The following PEX14 variants were observed in gnomAD, a reference collection of about 807,000 sequenced individuals.
PEX14 encodes peroxisomal membrane protein PEX14.
PEX14 carries 15 observed loss-of-function variants against 49.5 expected under a neutral mutation model. That is an observed-to-expected ratio of 0.30 (90% CI 0.20 to 0.47). The LOEUF is 0.47. Ranked by LOEUF, PEX14 falls within the 20% of genes least tolerant of loss-of-function variation. The pLI is 1.00. For missense variants in PEX14, 398 were observed against 494.8 expected, an observed-to-expected ratio of 0.80 and a Z score of 1.86; for synonymous variants, 210 against 212.7, an observed-to-expected ratio of 0.99 and a Z score of 0.11.
At chr1:10,526,599 G>A (rs1012631326) in intron 2 of PEX14, among the ~76,000 whole-genome samples, 1 of 152,142 alleles carries the variant, frequency 6.6e-6, no homozygotes, top group Non-Finnish European at 1.5e-5. Flanking sequence ...TACAGGTTGA[G>A]TATTCTTGAT....
At chr1:10,570,229 T>A (rs1557850556) in intron 3 of PEX14, among the ~76,000 whole-genome samples, 1 of 152,196 alleles carries the variant, frequency 6.6e-6, no homozygotes, top group Admixed American at 6.5e-5. Context: ...GTTCCCTTTT[T>A]TCCCCCACAT....
chr1:10,478,661 C>T (rs117005712), intron 1 of PEX14, among the ~76,000 whole-genome samples: 1 of 152,202 alleles, frequency 6.6e-6, no homozygotes, highest in East Asian at 1.9e-4. Context: ...TCACTGCATC[C>T]TTGCCCGCCC....
chr1:10,510,464 AGCTTATCTACTTT>A (rs1400465708), intron 2 of PEX14, among the ~76,000 whole-genome samples: 1 of 152,146 alleles, frequency 6.6e-6, no homozygotes, highest in Admixed American at 6.6e-5. Flanking sequence ...TTTGTGTTCC[AGCTTATCTACTTT>A]GCTCTGGCAT....
chr1:10,600,825 TTAA>T (rs1640961115), intron 4 of PEX14, among the ~76,000 whole-genome samples: 1 of 151,938 alleles, frequency 6.6e-6, no homozygotes, highest in African/African-American at 2.4e-5. Flanking sequence ...AAAAAATGAT[TTAA>T]AACTGTTAGA....
intron 4 of PEX14, among the ~76,000 whole-genome samples, chr1:10,605,075 C>G (rs753718882): frequency 1.3e-5 from 2 of 151,684 alleles, no homozygotes; most frequent in Non-Finnish European, 2.9e-5. Context: ...AACATTTATT[C>G]CAGTGTCTCC....
chr1:10,489,206 C>T (rs1281708805), intron 1 of PEX14, among the ~76,000 whole-genome samples: 3 of 152,044 alleles, frequency 2.0e-5, no homozygotes, highest in African/African-American at 2.4e-5. Flanking sequence ...GTCTCGAACT[C>T]GTGACCTCAG....
At chr1:10,583,829 C>T (rs1640402001) in intron 3 of PEX14, among the ~76,000 whole-genome samples, 1 of 152,008 alleles carries the variant, frequency 6.6e-6, no homozygotes, top group South Asian at 2.1e-4. Context: ...AAGGGAATGA[C>T]CGATGCAGAA....
intron 3 of PEX14, among the ~76,000 whole-genome samples, chr1:10,537,430 A>T (rs1638852491): frequency 6.7e-6 from 1 of 149,176 alleles, no homozygotes; most frequent in Non-Finnish European, 1.5e-5. Flanking sequence ...GCCATAAAAG[A>T]GTTTTTCCTT....
At chr1:10,500,798 C>A (rs916897100) in intron 2 of PEX14, among the ~76,000 whole-genome samples, 4 of 152,184 alleles carry the variant, frequency 2.6e-5, no homozygotes, top group Non-Finnish European at 5.9e-5. Context: ...TGGTCTCGAA[C>A]TCCTAGGCTC....
intron 1 of PEX14, among the ~76,000 whole-genome samples, chr1:10,492,666 GA>G (rs1308121147): frequency 6.6e-6 from 1 of 152,198 alleles, no homozygotes; most frequent in Non-Finnish European, 1.5e-5. Context: ...ATGAACGGAA[GA>G]ATCTAAATAA....
chr1:10,496,441 C>T (rs923928880), intron 2 of PEX14, among the ~76,000 whole-genome samples: 5 of 152,194 alleles, frequency 3.3e-5, no homozygotes, highest in South Asian at 4.1e-4. Flanking sequence ...TCTCTCCGGA[C>T]GTCTGCCTGC....
chr1:10,500,482 A>G (rs1041903649), intron 2 of PEX14, among the ~76,000 whole-genome samples: 2 of 150,528 alleles, frequency 1.3e-5, no homozygotes, highest in Non-Finnish European at 2.9e-5. Context: ...TCTCCTCAGC[A>G]TTTGTGTCTT....
intron 2 of PEX14, among the ~76,000 whole-genome samples, chr1:10,521,265 CTTCT>C (rs372214953): frequency 5.0e-4 from 76 of 151,376 alleles, no homozygotes; most frequent in African/African-American, 1.8e-3. Flanking sequence ...TCCTTTTTCT[CTTCT>C]TTCTATCTCC....
rs17035005 is a variant in PEX14, at chr1:10,495,184, G to A, written c.37-90G>A. The A allele has an allele frequency of 2.1e-4, 336 of 1,574,822 alleles. 4 individuals are homozygous for A. In the African/African-American group the frequency reaches 3.1e-3, roughly 14 times the overall value. On this transcript the variant is annotated intron_variant, in intron 1 of 8. Coordinates refer to ENST00000356607, the MANE Select transcript of PEX14 (RefSeq NM_004565.3). This position sits in a 1 kb window ranked among gnomAD's most constrained non-coding sequence, Gnocchi z 4.2. ...AGAGATGTGAGAAAGAGGTGCCAGC[G>A]TGCATCGTTTGAGAACGGAACATCT...
In PEX14 at chr1:10,476,781, G is replaced by A. The variant is rs111303544; in HGVS notation, c.36+1779G>A. Among the ~76,000 whole-genome samples, 375 of 152,136 alleles carry A rather than the reference G, an allele frequency of 2.5e-3. 2 individuals carry two copies. The highest frequency in any genetic ancestry group is 8.2e-3 in the African/African-American group (341 of 41,498). On this transcript the variant is annotated intron_variant, in intron 1 of 8. Coordinates refer to ENST00000356607, the MANE Select transcript of PEX14 (RefSeq NM_004565.3). Reference sequence around the variant, plus strand: ...GCTGAGATTATATGCGTGAGCCACCGTGCCCGGCTCTGTTCCTGATTCTTA... The same window carrying A: ...GCTGAGATTATATGCGTGAGCCACCATGCCCGGCTCTGTTCCTGATTCTTA...
intron 3 of PEX14, among the ~76,000 whole-genome samples, chr1:10,546,903 G>A (rs1257639414): frequency 6.6e-6 from 1 of 152,012 alleles, no homozygotes; most frequent in African/African-American, 2.4e-5. Flanking sequence ...TACAACAACA[G>A]CAAAAAAACC....
intron 1 of PEX14, among the ~76,000 whole-genome samples, chr1:10,479,554 C>T (rs893155265): frequency 4.6e-5 from 7 of 152,306 alleles, no homozygotes; most frequent in Middle Eastern, 3.4e-3. Flanking sequence ...TTTCTTCCTT[C>T]GCTGAACAGC....
chr1:10,484,104 C>A (rs1293568134), intron 1 of PEX14, among the ~76,000 whole-genome samples: 1 of 149,500 alleles, frequency 6.7e-6, no homozygotes, highest in South Asian at 2.1e-4. Flanking sequence ...TCTTGGCTCA[C>A]TGCAACCCCT....
intron 4 of PEX14, among the ~76,000 whole-genome samples, chr1:10,614,290 C>T (rs866174372): frequency 1.3e-5 from 2 of 152,160 alleles, no homozygotes; most frequent in African/African-American, 4.8e-5. Flanking sequence ...AGCTTCTTGT[C>T]TTTATAGACT....
Sources: gnomAD v4.1 joint callset for allele counts (sites outside exome capture counted in the v4.1 genomes callset) on GRCh38, gnomAD v4.1.1 for gene constraint, Gnocchi (gnomAD v3.1) non-coding constraint, MANE v1.5 for transcripts, NCBI Gene and HGNC (gene_info 2026-07-23, HGNC 2026-07-21) for gene names.